NCKAP5: variants seen among roughly 807,000 people sequenced by gnomAD.
NCKAP5 encodes nck-associated protein 5.
NCKAP5 carries 92 observed loss-of-function variants against 167.0 expected under a neutral mutation model. The ratio of observed to expected loss-of-function variants is 0.55; its 90% confidence interval spans 0.47 to 0.66. The LOEUF is 0.66. Among genes scored for constraint, NCKAP5 ranks in the 30% least tolerant of loss-of-function variants. The probability of loss-of-function intolerance (pLI) is 0.00; values close to 1 mark genes in which losing one functional copy is unlikely to be tolerated. For synonymous variants in NCKAP5, 891 were observed against 877.4 expected (o/e 1.02, Z -0.27); for missense variants, 2,378 against 2,315.0 (o/e 1.03, Z -0.56).
At chr2:133,381,047 G>A (rs941293681) in intron 3 of NCKAP5, among the ~76,000 whole-genome samples, 19 of 152,182 alleles carry the variant, frequency 1.2e-4, no homozygotes, top group Admixed American at 2.6e-4. Flanking sequence ...GTAAAAGATA[G>A]ATAGTCAAAA....
chr2:132,838,736 G>A (rs13390143), intron 11 of NCKAP5, among the ~76,000 whole-genome samples: 3 of 152,108 alleles, frequency 2.0e-5, no homozygotes, highest in Non-Finnish European at 4.4e-5. Context: ...TATTTCTATG[G>A]CACAAAGTCC....
At chr2:132,920,779 A>ATATGTATATATATGTATG (rs1695346767) in intron 8 of NCKAP5, among the ~76,000 whole-genome samples, 1 of 18,838 alleles carries the variant, frequency 5.3e-5, no homozygotes, top group African/African-American at 3.4e-4. Context: ...ATGTATATAT[A>ATATGTATATATATGTATG]TATATATATA....
chr2:133,474,151 TCTATACAC>T (rs1559511751), intron 3 of NCKAP5, among the ~76,000 whole-genome samples: 56 of 131,244 alleles, frequency 4.3e-4, no homozygotes, highest in Admixed American at 1.7e-3. Context: ...TATCTATCTA[TCTATACAC>T]ACACACACAC....
rs551184603 is a variant in NCKAP5 at position 133,237,683 on chromosome 2, A to T, written c.144-23904T>A. 6.6e-5 allele frequency among the ~76,000 whole-genome samples: 10 copies of T among 152,326 alleles called. 1 individual carries two copies. In the South Asian group the frequency reaches 1.9e-3, roughly 28 times the overall value. On this transcript the variant is annotated intron_variant, in intron 4 of 19. Transcript: ENST00000409261. Reference sequence around the variant, plus strand: ...ATTGAAGATGTAACTGCAAAGAAAAATGTTACTCAGCAGAGGCTGCTGCTT... The same window carrying T: ...ATTGAAGATGTAACTGCAAAGAAAATTGTTACTCAGCAGAGGCTGCTGCTT...
intron 4 of NCKAP5, among the ~76,000 whole-genome samples, chr2:133,225,936 C>T (rs1054452144): frequency 1.3e-5 from 2 of 151,692 alleles, no homozygotes; most frequent in Non-Finnish European, 2.9e-5. Flanking sequence ...GCACGTGCCA[C>T]CACATCCAGC....
chr2:132,755,854 AAATAATAATAAT>A (rs56967710), intron 16 of NCKAP5, among the ~76,000 whole-genome samples: 1 of 143,818 alleles, frequency 7.0e-6, no homozygotes, highest in Admixed American at 7.0e-5. Flanking sequence ...CTAAATGGCA[AAATAATAATAAT>A]AATAATAATA....
At chr2:133,375,023 C>T (rs150090230) in intron 3 of NCKAP5, among the ~76,000 whole-genome samples, 5 of 152,268 alleles carry the variant, frequency 3.3e-5, no homozygotes, top group South Asian at 2.1e-4. Context: ...TCTGTCCCTG[C>T]GCTTTTCTTA....
At chr2:133,241,801 T>G (rs1348592013) in intron 4 of NCKAP5, among the ~76,000 whole-genome samples, 1 of 152,120 alleles carries the variant, frequency 6.6e-6, no homozygotes, top group African/African-American at 2.4e-5. Flanking sequence ...ATGGGTGATA[T>G]GCATGTAGGG....
chr2:132,679,089 G>A (rs780032925), intron 19 of NCKAP5, among the ~76,000 whole-genome samples: 8 of 152,112 alleles, frequency 5.3e-5, no homozygotes, highest in Non-Finnish European at 1.0e-4. Flanking sequence ...CTGACGGGAG[G>A]CCAAAAGATC....
At chr2:133,566,048 C>G (rs924840229) in intron 1 of NCKAP5, among the ~76,000 whole-genome samples, 5 of 152,116 alleles carry the variant, frequency 3.3e-5, no homozygotes, top group Admixed American at 1.3e-4. Context: ...CCACTTGGAC[C>G]AGGAGAGTCC....
At chr2:133,101,895 G>A (rs1183328544) in intron 6 of NCKAP5, among the ~76,000 whole-genome samples, 6 of 152,176 alleles carry the variant, frequency 3.9e-5, no homozygotes, top group South Asian at 2.1e-4. Flanking sequence ...ACCTGACTCC[G>A]TCATGTAGCA....
At chr2:132,941,807 A>T (rs1393740143) in intron 8 of NCKAP5, among the ~76,000 whole-genome samples, 1 of 152,208 alleles carries the variant, frequency 6.6e-6, no homozygotes, top group African/African-American at 2.4e-5. Context: ...AAGTGTATAC[A>T]AACATTTTCT....
chr2:133,667,745 C>T, the NCKAP5 span, among the ~76,000 whole-genome samples: 1 of 152,038 alleles, frequency 6.6e-6, no homozygotes, highest in Non-Finnish European at 1.5e-5. Flanking sequence ...GTCCAATTAA[C>T]TAGTTTCCTT....
intron 15 of NCKAP5, among the ~76,000 whole-genome samples, chr2:132,777,954 G>C (rs1006915145): frequency 6.6e-6 from 1 of 151,908 alleles, no homozygotes; most frequent in African/African-American, 2.4e-5. Flanking sequence ...CACGATGAAG[G>C]TATATGATCT....
At chr2:133,457,295 T>C (rs1354684877) in intron 3 of NCKAP5, among the ~76,000 whole-genome samples, 1 of 152,178 alleles carries the variant, frequency 6.6e-6, no homozygotes, top group African/African-American at 2.4e-5. Context: ...CATTTTAAGA[T>C]AATGGCTTCC....
rs1331095311 is a variant in NCKAP5 at position 133,191,733 on chromosome 2, A to T, written c.207+21983T>A. ...AATTGAACAATGAGAACACTTGGAC[A>T]CAGGATGGGGAACATCACACACCGG... On this transcript the variant is annotated intron_variant, in intron 5 of 19. Transcript: ENST00000409261. Among the ~76,000 whole-genome samples the T allele has an allele frequency of 2.6e-5, 4 of 152,252 alleles. No homozygotes were observed. The South Asian group carries it at 6.2e-4, about 24-fold the overall frequency.
chr2:133,616,847 C>CA, the NCKAP5 span, among the ~76,000 whole-genome samples: 1 of 151,874 alleles, frequency 6.6e-6, no homozygotes, highest in African/African-American at 2.4e-5. Context: ...GAGACACAAC[C>CA]AAAAAAGAGA....
chr2:132,870,612 A>G (rs1447824508), intron 9 of NCKAP5, among the ~76,000 whole-genome samples: 5 of 152,004 alleles, frequency 3.3e-5, no homozygotes, highest in Admixed American at 6.6e-5. Context: ...TCTAATCATC[A>G]TGGTAATTCT....
the NCKAP5 span, among the ~76,000 whole-genome samples, chr2:133,613,263 A>G: frequency 6.6e-6 from 1 of 152,220 alleles, no homozygotes; most frequent in African/African-American, 2.4e-5. Context: ...AAAGGGGCCC[A>G]TTCCACTCCT....
Sources: gnomAD v4.1 joint callset for allele counts (sites outside exome capture counted in the v4.1 genomes callset) on GRCh38, gnomAD v4.1.1 for gene constraint, MANE v1.5 for transcripts, NCBI Gene and HGNC (gene_info 2026-07-23, HGNC 2026-07-21) for gene names.